RBM17: variants seen among roughly 807,000 people sequenced by gnomAD.
RBM17 encodes the protein RNA binding motif protein 17, also known as splicing factor 45.
RBM17 carries 7 observed loss-of-function variants against 53.2 expected under a neutral mutation model. That is an observed-to-expected ratio of 0.13 (90% CI 0.07 to 0.25). The LOEUF (loss-of-function observed/expected upper bound fraction) is 0.25, where lower values mean the gene tolerates loss of function less well. RBM17 is among the 10% of genes least tolerant of loss of function. The pLI is 1.00. For missense variants in RBM17, 257 were observed against 496.7 expected, an observed-to-expected ratio of 0.52 and a Z score of 4.59; for synonymous variants, 167 against 178.1, an observed-to-expected ratio of 0.94 and a Z score of 0.50.
At chr10:6,114,464 T>C (rs1277729553) in intron 10 of RBM17, 2 of 299,570 alleles carry the variant, frequency 6.7e-6, no homozygotes, top group Admixed American at 9.4e-5. Context: ...GGTGAGTATT[T>C]AGTGCCTCTC....
At chr10:6,100,842 T>C (rs993683697) in intron 2 of RBM17, among the ~76,000 whole-genome samples, 2 of 152,196 alleles carry the variant, frequency 1.3e-5, no homozygotes, top group East Asian at 3.8e-4. Context: ...TCTCCAACTT[T>C]CTTTCAAATG....
chr10:6,105,720 T>C (rs1840739059), intron 4 of RBM17, among the ~76,000 whole-genome samples: 1 of 152,222 alleles, frequency 6.6e-6, no homozygotes, highest in African/African-American at 2.4e-5. Context: ...GTATTTGTAG[T>C]TCTTTTTAAA....
intron 10 of RBM17, 195 bp downstream of exon 10, chr10:6,114,342 A>G (rs920653572): frequency 4.0e-5 from 18 of 449,350 alleles, no homozygotes; most frequent in African/African-American, 3.4e-4. Context: ...GTTTTATTTG[A>G]TGAAGAAACA....
chr10:6,095,326 C>T (rs528485592), intron 1 of RBM17, among the ~76,000 whole-genome samples: 284 of 152,182 alleles, frequency 1.9e-3, no homozygotes, highest in Non-Finnish European at 2.8e-3. Context: ...GATTATCATG[C>T]CTCACCCTCC....
Position 6,115,603 on chromosome 10 carries a change from C to T in RBM17, c.*47C>T. On this transcript the variant is annotated 3_prime_UTR_variant, in exon 12 of 12. Coordinates refer to ENST00000379888, the MANE Select transcript of RBM17 (RefSeq NM_032905.5). Reference sequence around the variant, plus strand: ...TCATCTCCGGTGATCCTTAAATGAACTGCAGGCTGAGAAAAGAAGGAAAAA... The same window carrying T: ...TCATCTCCGGTGATCCTTAAATGAATTGCAGGCTGAGAAAAGAAGGAAAAA... 1.7e-6 allele frequency: 2 copies of T among 1,202,646 alleles called. No individual in the cohort carries two copies. Among genetic ancestry groups the T allele is most frequent in the Non-Finnish European group, 2.5e-6 (2 of 809,474 alleles). 74.5% of individuals were successfully genotyped at this position (1,202,646 alleles called of 1,614,324 possible).
intron 2 of RBM17, among the ~76,000 whole-genome samples, chr10:6,100,258 A>G (rs1840651350): frequency 6.6e-6 from 1 of 152,188 alleles, no homozygotes; most frequent in African/African-American, 2.4e-5. Flanking sequence ...CAAAAGAGAA[A>G]AATTAAACCT....
intron 8 of RBM17, 84 bp from the exon 9 acceptor site, chr10:6,113,424 T>C: frequency 1.1e-6 from 1 of 891,486 alleles, no homozygotes; most frequent in East Asian, 2.5e-5. Flanking sequence ...AAATTAATTA[T>C]TGTAAGTAGG....
At chr10:6,096,359 A>G (rs1840574590) in intron 1 of RBM17, among the ~76,000 whole-genome samples, 2 of 152,096 alleles carry the variant, frequency 1.3e-5, no homozygotes, top group South Asian at 4.1e-4. Context: ...ATTGCATGTC[A>G]TGCTTTGCGC....
chr10:6,095,498 G>C (rs1337311094), intron 1 of RBM17, among the ~76,000 whole-genome samples: 1 of 152,154 alleles, frequency 6.6e-6, no homozygotes, highest in Non-Finnish European at 1.5e-5. Context: ...ACAGGCGTGA[G>C]CCACCGTGCC....
rs1490961518 is a variant in RBM17 at position 6,105,023 on chromosome 10, A to G, written c.333A>G (p.Val111=). Residue 111 remains valine (V), a synonymous_variant, in exon 4 of 12, where the codon GTA becomes GTG. Transcript: ENST00000379888. ...DPMFPNDYEK[V]VKRQREERQR... is the part of the protein sequence containing the mutation. ...TGTTTCCTAATGATTATGAGAAAGT[A>G]GTGAAGCGCCAAAGAGAGGAACGAC... 6.2e-7 allele frequency: 1 copy of G among 1,614,110 alleles called. No individual in the cohort carries two copies. The highest frequency in any genetic ancestry group is 2.2e-5 in the East Asian group (1 of 44,886).
At chr10:6,105,227 G>T in intron 4 of RBM17, 130 bp downstream of exon 4, 1 of 782,006 alleles carries the variant, frequency 1.3e-6, no homozygotes, top group South Asian at 1.9e-5. Context: ...TCACTACAAG[G>T]AATCAAACTG....
At chr10:6,098,571 T>TTTTGTTTG in intron 2 of RBM17, among the ~76,000 whole-genome samples, 1 of 91,134 alleles carries the variant, frequency 1.1e-5, no homozygotes, top group Admixed American at 1.1e-4. Context: ...TTGTTTTTTT[T>TTTTGTTTG]TTTTTTTTTT....
At position 6,105,049 on chromosome 10, in the gene RBM17, A is replaced by G; in HGVS notation, c.359A>G (p.Gln120Arg). 1 of 1,614,134 alleles carries G rather than the reference A, an allele frequency of 6.2e-7. No homozygotes were observed. The highest frequency in any genetic ancestry group is 8.5e-7 in the Non-Finnish European group (1 of 1,179,938). ...KVVKRQREER[Q>R]RQRELERQKE... ...GTGAAGCGCCAAAGAGAGGAACGACAGAGACAGCGGGAGCTGGAAAGACAA... is the reference window on the plus strand; with the variant it reads ...GTGAAGCGCCAAAGAGAGGAACGACGGAGACAGCGGGAGCTGGAAAGACAA... The change falls in exon 4 of 12, where the codon CAG (glutamine) becomes CGG (arginine). Residue 120 changes from glutamine to arginine, a missense_variant. By Grantham distance (43) the Gln-to-Arg change is conservative. Coordinates refer to ENST00000379888, the MANE Select transcript of RBM17 (RefSeq NM_032905.5).
chr10:6,106,069 G>A (rs1840744134), intron 4 of RBM17, 72 bp from the exon 5 acceptor site: 1 of 1,026,136 alleles, frequency 9.7e-7, no homozygotes, highest in Non-Finnish European at 1.5e-6. Context: ...CTGGTCAAGA[G>A]GAAGTCATCC....
At chr10:6,114,002 T>C (rs989387223) in intron 9 of RBM17, 47 bp from the exon 10 acceptor site, 3 of 1,247,666 alleles carry the variant, frequency 2.4e-6, no homozygotes, top group Non-Finnish European at 3.5e-6. Flanking sequence ...GCTAGGTGTT[T>C]GTAAGTTATA....
chr10:6,098,808 A>G (rs2132942615), intron 2 of RBM17, among the ~76,000 whole-genome samples: 1 of 152,206 alleles, frequency 6.6e-6, no homozygotes, highest in African/African-American at 2.4e-5. Flanking sequence ...TTGGTCTCCC[A>G]AAGTGCTGGG....
chr10:6,109,945 C>T (rs1840812391), intron 6 of RBM17, 41 bp from the exon 7 acceptor site: 1 of 1,533,592 alleles, frequency 6.5e-7, no homozygotes, highest in Non-Finnish European at 8.8e-7. Flanking sequence ...AGAGTGTTTT[C>T]TATAGTATTT....
chr10:6,095,012 G>A (rs1362723838), intron 1 of RBM17, among the ~76,000 whole-genome samples: 1 of 152,142 alleles, frequency 6.6e-6, no homozygotes, highest in African/African-American at 2.4e-5. Flanking sequence ...TGGACATCAG[G>A]GGATTCCCTC....
chr10:6,097,428 G>A (rs1184452699), intron 2 of RBM17, among the ~76,000 whole-genome samples: 1 of 152,252 alleles, frequency 6.6e-6, no homozygotes, highest in East Asian at 1.9e-4. Context: ...GCTGGGCGCA[G>A]TGGCTCACGC....
Sources: allele counts gnomAD v4.1 joint callset (sites outside exome capture counted in the v4.1 genomes callset), GRCh38; gene constraint gnomAD v4.1.1; transcripts MANE v1.5; gene names NCBI Gene and HGNC (gene_info 2026-07-23, HGNC 2026-07-21).